PRPF8: variants seen among roughly 807,000 people sequenced by gnomAD.
PRPF8 encodes the protein pre-mRNA-processing-splicing factor 8.
Under a neutral mutation model 285.9 loss-of-function variants are expected in PRPF8, and 64 were observed. The ratio of observed to expected loss-of-function variants is 0.22; its 90% CI spans 0.18 to 0.28. The LOEUF (loss-of-function observed/expected upper bound fraction) is 0.28. Among genes scored for constraint, PRPF8 ranks in the 10% least tolerant of loss-of-function variants. The probability of loss-of-function intolerance (pLI) is 1.00; values close to 1 mark genes in which losing one functional copy is unlikely to be tolerated. For missense variants in PRPF8, 1,426 were observed against 3,026.7 expected, an observed-to-expected ratio of 0.47 and a Z score of 12.41; for synonymous variants, 1,325 against 1,118.2, an observed-to-expected ratio of 1.18 and a Z score of -3.69.
chr17:1,674,034 T>C (rs1912473904), intron 21 of PRPF8, 142 bp from the exon 22 acceptor site: 2 of 999,428 alleles, frequency 2.0e-6, no homozygotes, highest in Non-Finnish European at 3.0e-6. Context: ...TTTTTATTTA[T>C]TTATTTTTTG....
chr17:1,651,917 CT>C lies in PRPF8; in HGVS notation c.6370-130del. 2 of 1,215,814 alleles carry C rather than the reference CT, an allele frequency of 1.6e-6. No homozygotes were observed. Among genetic ancestry groups the C allele is most frequent in the East Asian group, 4.7e-5 (2 of 42,694 alleles). 75.3% of individuals were successfully genotyped at this position (1,215,814 alleles called of 1,614,324 possible). ...TTTCTTAAAACGTGATCAGAACCCCCTGTATCAGAATCAGCTGGGGTGCTTG... is the reference window on the plus strand; with the variant it reads ...TTTCTTAAAACGTGATCAGAACCCCCGTATCAGAATCAGCTGGGGTGCTTG... On this transcript the variant is annotated intron_variant, in intron 39 of 42. Coordinates refer to ENST00000304992, the MANE Select transcript of PRPF8 (RefSeq NM_006445.4). The surrounding 1 kb of genome is among the most constrained non-coding windows in gnomAD (Gnocchi z 5.1).
Position 1,662,019 on chromosome 17 carries a change from G to C in PRPF8, c.3909C>G (p.Leu1303=). 2 of 1,614,080 alleles carry C rather than the reference G, an allele frequency of 1.2e-6. No homozygotes were observed. The highest frequency in any genetic ancestry group is 1.7e-6 in the Non-Finnish European group (2 of 1,180,004). ...GGAACCGACTTGGCATCTTGGAGTTGAGTCCAATCTTGATACGTGTCTGGA... is the reference window on the plus strand; with the variant it reads ...GGAACCGACTTGGCATCTTGGAGTTCAGTCCAATCTTGATACGTGTCTGGA... ...NKIQTRIKIG[L]NSKMPSRFPP... The change falls in exon 25 of 43, where the codon CTC becomes CTG. Residue 1303 remains leucine (L), a synonymous_variant. Transcript: ENST00000304992.
In PRPF8 at chr17:1,659,162, A is replaced by C. The variant is rs1911554255; in HGVS notation, c.5138+195T>G. The stretch of plus-strand genomic sequence containing the variant: ...CACCTCAACCTTCTGAGTAGCTGGG[A>C]CTACAGGCGTGGACCACCACGCCCA... On this transcript the variant is annotated intron_variant, in intron 32 of 42. Coordinates refer to ENST00000304992, the MANE Select transcript of PRPF8 (RefSeq NM_006445.4). The surrounding 1 kb of genome is among the most constrained non-coding windows in gnomAD (Gnocchi z 5.1). The C allele has an allele frequency of 1.4e-6, 1 of 691,316 alleles. No homozygotes were observed. 42.8% of individuals were successfully genotyped at this position (691,316 alleles called of 1,614,324 possible).
chr17:1,658,153 C>T lies in PRPF8; in HGVS notation c.5505+100G>A, dbSNP rs1479457762. 1.3e-6 allele frequency: 2 copies of T among 1,561,312 alleles called. No homozygotes were observed. The highest frequency in any genetic ancestry group is 1.8e-5 in the Admixed American group (1 of 57,116). ...TGGGGATAAGTTCAAATGAGATGTT[C>T]TCAGCCTTTCATCTAATAAACCAGT... On this transcript the variant is annotated intron_variant, in intron 34 of 42. Transcript: ENST00000304992. This position sits in a 1 kb window ranked among gnomAD's most constrained non-coding sequence, Gnocchi z 4.1.
chr17:1,683,649 A>C lies in PRPF8; in HGVS notation c.153T>G (p.Phe51Leu). The change falls in exon 3 of 43, where the codon TTT (phenylalanine) becomes TTG (leucine). Residue 51 changes from phenylalanine (F) to leucine (L), a missense_variant. Physicochemically the swap from Phe to Leu is conservative, Grantham distance 22. This residue lies in a region of PRPF8 where 72 missense variants were observed against 80.0 expected (regional missense o/e 0.90). Coordinates refer to ENST00000304992, the MANE Select transcript of PRPF8 (RefSeq NM_006445.4). Reference protein sequence around the residue: ...QAKRYAEKRKFGFVDAQKEDM... With the variant: ...QAKRYAEKRKLGFVDAQKEDM... ...CTTCCTTCTGGGCATCCACAAACCC[A>C]AACTTCCGCTTTTCTGCATAGCGCT... 6.2e-7 allele frequency: 1 copy of C among 1,614,072 alleles called. No individual in the cohort carries two copies. The highest frequency in any genetic ancestry group is 8.5e-7 in the Non-Finnish European group (1 of 1,180,018).
intron 36 of PRPF8, among the ~76,000 whole-genome samples, chr17:1,656,005 C>T (rs1263059617): frequency 6.7e-6 from 1 of 149,404 alleles, no homozygotes; most frequent in African/African-American, 2.5e-5. Flanking sequence ...ACTGCAACCT[C>T]TGCCTCCTGG....
chr17:1,672,852 T>A (rs1912400882), intron 24 of PRPF8: 1 of 602,246 alleles, frequency 1.7e-6, no homozygotes, highest in Non-Finnish European at 3.0e-6. Flanking sequence ...TAATTTAGAA[T>A]CATCACAAGT....
At chr17:1,678,325 AAAAAAAAAATTGCC>A in intron 13 of PRPF8, 179 bp downstream of exon 13, 1 of 539,074 alleles carries the variant, frequency 1.9e-6, no homozygotes, top group Non-Finnish European at 3.2e-6. Context: ...AAAACAAAAC[AAAAAAAAAATTGCC>A]AGGCGTGGTG....
At position 1,674,504 on chromosome 17, in the gene PRPF8, A is replaced by C; in HGVS notation, c.3237T>G (p.Thr1079=). Reference sequence around the variant, plus strand: ...AGAGACGGATGGGGTGGGCAGCCTCAGTGGCTATGTCCTGGAAACTGAGAA... The same window carrying C: ...AGAGACGGATGGGGTGGGCAGCCTCCGTGGCTATGTCCTGGAAACTGAGAA... ...NDFLSFQDIA[T]EAAHPIRLFC... Residue 1079 remains threonine, a synonymous_variant, in exon 21 of 43, where the codon ACT becomes ACG. Coordinates refer to ENST00000304992, the MANE Select transcript of PRPF8 (RefSeq NM_006445.4). 6.2e-7 allele frequency: 1 copy of C among 1,614,194 alleles called. No individual in the cohort carries two copies. The highest frequency in any genetic ancestry group is 1.1e-5 in the South Asian group (1 of 91,080).
At chr17:1,683,493 G>A (rs756816408) in intron 3 of PRPF8, 40 bp downstream of exon 3, 11 of 1,611,246 alleles carry the variant, frequency 6.8e-6, no homozygotes, top group East Asian at 4.5e-5. Flanking sequence ...AAGGGAAAAG[G>A]GCCAAATTCC....
intron 13 of PRPF8, 22 bp downstream of exon 13, chr17:1,678,496 G>A (rs1441169163): frequency 1.9e-6 from 3 of 1,613,998 alleles, no homozygotes; most frequent in Admixed American, 3.3e-5. Flanking sequence ...AAAAAAGAAA[G>A]TCAGTAAAGT....
intron 24 of PRPF8, among the ~76,000 whole-genome samples, chr17:1,662,830 CAAAA>C (rs541846587): frequency 2.5e-5 from 2 of 81,134 alleles, no homozygotes. Context: ...GACTGTGTCT[CAAAA>C]AAAAAAAAAA....
intron 6 of PRPF8, 29 bp from the exon 7 acceptor site, chr17:1,681,083 CTTT>C (rs111281280): frequency 4.6e-6 from 6 of 1,311,536 alleles, no homozygotes; most frequent in Non-Finnish European, 5.3e-6. Flanking sequence ...AATAAGCAGA[CTTT>C]TTTTTTTTTG....
intron 13 of PRPF8, among the ~76,000 whole-genome samples, chr17:1,678,187 C>T (rs559666800): frequency 3.3e-5 from 5 of 152,228 alleles, no homozygotes; most frequent in African/African-American, 9.6e-5. Flanking sequence ...TGGTGGTGCG[C>T]GCCTGTAGTC....
chr17:1,660,415 C>T lies in PRPF8; in HGVS notation c.4785+17G>A, dbSNP rs373336204. ...GCTGACTCTCTACAGTACCCTCTCC[C>T]CTCGATTCCAGCCCACCTGACATAA... On this transcript the variant is annotated intron_variant, in intron 30 of 42. Transcript: ENST00000304992. 8.3e-5 allele frequency: 134 copies of T among 1,613,772 alleles called. No homozygotes were observed. Among genetic ancestry groups the T allele is most frequent in the Non-Finnish European group, 1.1e-4 (129 of 1,180,040 alleles).
rs1912773570 is a variant in PRPF8, at chr17:1,679,261, A to C, written c.1409+30T>G. On this transcript the variant is annotated intron_variant, in intron 10 of 42. Transcript: ENST00000304992. This position sits in a 1 kb window ranked among gnomAD's most constrained non-coding sequence, Gnocchi z 4.7. ...AGCCTACTGATATCTCTGGAACAGA[A>C]GTCTGCGCAGGGCCCCTGGGGCACC... The C allele has an allele frequency of 1.2e-6, 2 of 1,614,090 alleles. No individual in the cohort carries two copies. The highest frequency in any genetic ancestry group is 1.7e-6 in the Non-Finnish European group (2 of 1,180,048).
intron 13 of PRPF8, 111 bp from the exon 14 acceptor site, chr17:1,677,805 A>G: frequency 7.1e-7 from 1 of 1,406,078 alleles, no homozygotes; most frequent in South Asian, 1.2e-5. Flanking sequence ...AGAGGAATGT[A>G]GGTATGGCAG....
chr17:1,672,553 G>C (rs1912383893), intron 24 of PRPF8, among the ~76,000 whole-genome samples: 1 of 152,208 alleles, frequency 6.6e-6, no homozygotes, highest in African/African-American at 2.4e-5. Context: ...AAAGTGCTGG[G>C]ATTACAGGCG....
intron 24 of PRPF8, among the ~76,000 whole-genome samples, chr17:1,663,106 T>C (rs949400449): frequency 1.3e-5 from 2 of 152,182 alleles, no homozygotes; most frequent in African/African-American, 4.8e-5. Flanking sequence ...AAGGTTCTTG[T>C]ACTATATGTG....
Sources: allele counts gnomAD v4.1 joint callset (sites outside exome capture counted in the v4.1 genomes callset), GRCh38; gene constraint gnomAD v4.1.1; regional missense constraint gnomAD v4.1.1; non-coding constraint Gnocchi (gnomAD v3.1); transcripts MANE v1.5; gene names NCBI Gene and HGNC (gene_info 2026-07-23, HGNC 2026-07-21).